The following RNF125 variants were observed in gnomAD, a reference collection of about 807,000 sequenced individuals.
RNF125 encodes E3 ubiquitin-protein ligase RNF125.
A neutral mutation model predicts 26.0 loss-of-function variants in RNF125; 21 were observed. That is an observed-to-expected ratio of 0.81 (90% CI 0.57 to 1.16). The LOEUF (loss-of-function observed/expected upper bound fraction) is 1.16. RNF125 is among the 50% of genes most tolerant of loss of function. The pLI, the probability that RNF125 is intolerant of heterozygous loss-of-function variation, is 0.00. For synonymous variants in RNF125, 95 were observed against 109.2 expected (o/e 0.87, Z 0.81); for missense variants, 270 against 299.4 (o/e 0.90, Z 0.72).
In RNF125 at chr18:32,073,138, G is replaced by A. The variant is rs901444335; in HGVS notation, c.*4754G>A. The A allele has an allele frequency of 1.3e-4, 20 of 152,100 alleles. No homozygotes were observed. Among genetic ancestry groups the A allele is most frequent in the African/African-American group, 4.6e-4 (19 of 41,424 alleles). 9.4% of individuals were successfully genotyped at this position (152,100 alleles called of 1,614,324 possible). A position where few individuals can be genotyped will look rare whatever the true frequency, so the allele number is the denominator to read the frequency against. On this transcript the variant is annotated 3_prime_UTR_variant, in exon 6 of 6. Coordinates refer to ENST00000217740, the MANE Select transcript of RNF125 (RefSeq NM_017831.4). The stretch of plus-strand genomic sequence containing the variant: ...ATGTGTGATTCTTTTTCTTCTGTAA[G>A]TATGTATTGCTATGATAAATAAAAA...
intron 1 of RNF125, among the ~76,000 whole-genome samples, chr18:32,033,211 C>G (rs1489823794): frequency 6.6e-6 from 1 of 152,110 alleles, no homozygotes; most frequent in Non-Finnish European, 1.5e-5. Context: ...GACATAGGAA[C>G]AAATTTGTTT....
intron 1 of RNF125, among the ~76,000 whole-genome samples, chr18:32,025,470 C>T (rs1484507909): frequency 6.6e-6 from 1 of 151,784 alleles, no homozygotes. Context: ...TCGAGACCAG[C>T]CTGCCCAACA....
intron 1 of RNF125, among the ~76,000 whole-genome samples, chr18:32,027,571 T>C (rs1346547748): frequency 6.6e-6 from 1 of 152,188 alleles, no homozygotes; most frequent in Non-Finnish European, 1.5e-5. Context: ...CCAGGCACTA[T>C]AGGCAGAGAT....
intron 1 of RNF125, among the ~76,000 whole-genome samples, chr18:32,022,118 C>T (rs572024113): frequency 3.4e-4 from 51 of 152,140 alleles, no homozygotes; most frequent in Non-Finnish European, 5.3e-4. Context: ...AGTTGGAAAA[C>T]GAATAAATGC....
the RNF125 span, among the ~76,000 whole-genome samples, chr18:32,086,595 A>G: frequency 1.3e-5 from 2 of 151,384 alleles, no homozygotes; most frequent in African/African-American, 4.9e-5. Flanking sequence ...ATCTCAGCGC[A>G]TCGCAACCTC....
chr18:32,077,216 T>C (rs755905043), downstream of RNF125, among the ~76,000 whole-genome samples: 7 of 151,954 alleles, frequency 4.6e-5, no homozygotes, highest in Non-Finnish European at 8.8e-5. Context: ...ACATCCAGCA[T>C]GAAGTAGAAG....
At chr18:32,060,760 A>G (rs2144508666) in intron 4 of RNF125, among the ~76,000 whole-genome samples, 1 of 152,294 alleles carries the variant, frequency 6.6e-6, no homozygotes, top group Admixed American at 6.5e-5. Flanking sequence ...AAGTTTTTCC[A>G]CTAGTACCGA....
chr18:32,057,766 T>C (rs1348579018), intron 4 of RNF125, among the ~76,000 whole-genome samples: 1 of 152,196 alleles, frequency 6.6e-6, no homozygotes, highest in African/African-American at 2.4e-5. Context: ...AATTATATTG[T>C]CTTTAAGGCG....
rs1225420448 is a variant in RNF125, at chr18:32,069,244, A to G, written c.*860A>G. 1 of 151,944 alleles carries G rather than the reference A, an allele frequency of 6.6e-6. No individual in the cohort carries two copies. Among genetic ancestry groups the G allele is most frequent in the Non-Finnish European group, 1.5e-5 (1 of 68,024 alleles). The allele number at this position is 151,944 out of a possible 1,614,324, so 9.4% of individuals were successfully genotyped here. On this transcript the variant is annotated 3_prime_UTR_variant, in exon 6 of 6. Coordinates refer to ENST00000217740, the MANE Select transcript of RNF125 (RefSeq NM_017831.4). ...AATCCATTTAACCAAATTGTCTTACATAATACTGTAACAAAACAAATTTTG... is the reference window on the plus strand; with the variant it reads ...AATCCATTTAACCAAATTGTCTTACGTAATACTGTAACAAAACAAATTTTG...
intron 1 of RNF125, among the ~76,000 whole-genome samples, chr18:32,025,914 T>A (rs2039029762): frequency 6.6e-6 from 1 of 151,820 alleles, no homozygotes; most frequent in African/African-American, 2.4e-5. Flanking sequence ...AAAAGGCCAA[T>A]ACAGTTTTAG....
chr18:32,023,925 A>G (rs1568191374), intron 1 of RNF125, among the ~76,000 whole-genome samples: 1 of 152,180 alleles, frequency 6.6e-6, no homozygotes. Flanking sequence ...AGAGAAAACC[A>G]TATTTTACTT....
downstream of RNF125, among the ~76,000 whole-genome samples, chr18:32,078,143 C>A (rs551699653): frequency 1.3e-5 from 2 of 152,106 alleles, no homozygotes; most frequent in Non-Finnish European, 2.9e-5. Flanking sequence ...AATTAATAAT[C>A]CCCCATGAAA....
rs1161108358 is a variant in RNF125 at position 32,068,728 on chromosome 18, A to G, written c.*344A>G. ...ATGCTACATATCAATAACTACCATC[A>G]TGGTTAGGCACGATAACTAATCTTT... On this transcript the variant is annotated 3_prime_UTR_variant, in exon 6 of 6. Transcript: ENST00000217740. 5.6e-6 allele frequency: 1 copy of G among 179,956 alleles called. No homozygotes were observed. Among genetic ancestry groups the G allele is most frequent in the Admixed American group, 6.0e-5 (1 of 16,606 alleles). 11.1% of individuals were successfully genotyped at this position (179,956 alleles called of 1,614,324 possible).
intron 1 of RNF125, among the ~76,000 whole-genome samples, chr18:32,019,298 G>A (rs2038962916): frequency 6.6e-6 from 1 of 152,200 alleles, no homozygotes; most frequent in South Asian, 2.1e-4. Flanking sequence ...CTCCAGAGAA[G>A]GGGATCCAGG....
intron 1 of RNF125, among the ~76,000 whole-genome samples, chr18:32,029,460 C>T (rs1391888404): frequency 2.4e-4 from 29 of 120,664 alleles, no homozygotes; most frequent in Admixed American, 2.2e-3. Flanking sequence ...CTCGTCTGTA[C>T]AGAAAAAAAA....
chr18:32,087,112 C>T, the RNF125 span, among the ~76,000 whole-genome samples: 1 of 152,030 alleles, frequency 6.6e-6, no homozygotes, highest in Non-Finnish European at 1.5e-5. Context: ...GCACCTCTTC[C>T]CCCATACCTT....
chr18:32,046,529 G>A (rs1446852889), intron 4 of RNF125, among the ~76,000 whole-genome samples: 48 of 150,306 alleles, frequency 3.2e-4, no homozygotes, highest in Middle Eastern at 3.5e-3. Context: ...CCCGGGAGGC[G>A]GAGCTTGCAG....
chr18:32,036,617 G>A (rs1026730052), intron 1 of RNF125, among the ~76,000 whole-genome samples: 41 of 132,630 alleles, frequency 3.1e-4, no homozygotes, highest in African/African-American at 1.2e-3. Flanking sequence ...AGGGAAGGAG[G>A]GAGGGGAGAG....
At chr18:32,054,916 T>G (rs902478007) in intron 4 of RNF125, among the ~76,000 whole-genome samples, 1 of 152,220 alleles carries the variant, frequency 6.6e-6, no homozygotes, top group East Asian at 1.9e-4. Flanking sequence ...TTATCTAATC[T>G]GCAAAGTATA....
Sources: allele counts gnomAD v4.1 joint callset (sites outside exome capture counted in the v4.1 genomes callset), GRCh38; gene constraint gnomAD v4.1.1; transcripts MANE v1.5; gene names NCBI Gene and HGNC (gene_info 2026-07-23, HGNC 2026-07-21).